GRIK2: variants seen among roughly 807,000 people sequenced by gnomAD.
GRIK2 encodes the protein glutamate ionotropic receptor kainate type subunit 2.
Under a neutral mutation model 100.3 loss-of-function variants are expected in GRIK2, and 32 were observed. That is an observed-to-expected ratio of 0.32 (90% CI 0.24 to 0.43). The LOEUF (loss-of-function observed/expected upper bound fraction) is 0.43. Ranked by LOEUF, GRIK2 falls within the 20% of genes least tolerant of loss-of-function variation. GRIK2 has a pLI of 1.00. For synonymous variants in GRIK2, 417 were observed against 389.4 expected (o/e 1.07, Z -0.83); for missense variants, 843 against 1,114.9 (o/e 0.76, Z 3.47).
intron 10 of GRIK2, among the ~76,000 whole-genome samples, chr6:101,836,922 C>G (rs563901473): frequency 1.3e-5 from 2 of 152,038 alleles, no homozygotes; most frequent in East Asian, 3.9e-4. Flanking sequence ...CCTCGGCCTC[C>G]CAAAGTGCCA....
chr6:101,413,821 C>A (rs1360485760), intron 2 of GRIK2, among the ~76,000 whole-genome samples: 1 of 151,910 alleles, frequency 6.6e-6, no homozygotes, highest in Admixed American at 6.6e-5. Flanking sequence ...GATATATACA[C>A]AACTATTATA....
chr6:101,739,230 C>T (rs9404136), intron 7 of GRIK2, among the ~76,000 whole-genome samples: 1 of 151,974 alleles, frequency 6.6e-6, no homozygotes, highest in South Asian at 2.1e-4. Context: ...TGATTTTACT[C>T]TCTTGTTTCT....
chr6:101,760,612 A>ATG lies in GRIK2; in HGVS notation c.952-39035_952-39034insGT, dbSNP rs1300412393. On this transcript the variant is annotated intron_variant, in intron 7 of 16. Coordinates refer to ENST00000369134, the MANE Select transcript of GRIK2 (RefSeq NM_021956.5). Reference sequence around the variant, plus strand: ...ATTATATATAATTATATATAATTATATTTAATTATATGTTTAATTATATAT... The same window carrying ATG: ...ATTATATATAATTATATATAATTATATGTTTAATTATATGTTTAATTATATAT... Among the ~76,000 whole-genome samples the ATG allele has an allele frequency of 1.0e-4, 10 of 98,868 alleles. 1 individual carries two copies. Among genetic ancestry groups the ATG allele is most frequent in the African/African-American group, 2.7e-4 (7 of 26,040 alleles). The allele number at this position is 98,868 out of a possible 152,430, so 64.9% of individuals were successfully genotyped here.
Position 101,676,468 on chromosome 6 carries a change from T to C in GRIK2, c.542-155T>C, listed in dbSNP as rs139366318. ...ATGCGTTCTTGGCCGTATCAAACTA[T>C]CTCATGTAGTTTATAATATACAAAC... On this transcript the variant is annotated intron_variant, in intron 4 of 16. Transcript: ENST00000369134. Among the ~76,000 whole-genome samples the C allele has an allele frequency of 4.7e-3, 711 of 152,226 alleles. 5 individuals are homozygous for C. The highest frequency in any genetic ancestry group is 0.016 in the African/African-American group (683 of 41,566).
intron 10 of GRIK2, among the ~76,000 whole-genome samples, chr6:101,850,082 A>G (rs1027155354): frequency 1.1e-4 from 16 of 152,040 alleles, no homozygotes; most frequent in African/African-American, 3.9e-4. Flanking sequence ...ACAATGCTCT[A>G]AAACAAGACA....
At chr6:101,685,294 A>G (rs1771595257) in intron 6 of GRIK2, among the ~76,000 whole-genome samples, 1 of 152,176 alleles carries the variant, frequency 6.6e-6, no homozygotes, top group African/African-American at 2.4e-5. Context: ...AGCTCAGGCC[A>G]ATGCCAGCTG....
chr6:101,855,464 G>A (rs1784375468), intron 10 of GRIK2, among the ~76,000 whole-genome samples: 1 of 152,152 alleles, frequency 6.6e-6, no homozygotes, highest in Non-Finnish European at 1.5e-5. Flanking sequence ...GGTGAATCTT[G>A]AGCATAGGGT....
At chr6:101,542,122 G>A (rs1776026428) in intron 2 of GRIK2, among the ~76,000 whole-genome samples, 2 of 151,780 alleles carry the variant, frequency 1.3e-5, no homozygotes, top group African/African-American at 4.8e-5. Context: ...GTGTTTCTAG[G>A]GAAACTGTAA....
chr6:101,548,248 A>T (rs2128291368), intron 2 of GRIK2, among the ~76,000 whole-genome samples: 1 of 152,212 alleles, frequency 6.6e-6, no homozygotes, highest in Non-Finnish European at 1.5e-5. Flanking sequence ...AGATTGCAAA[A>T]ATTGTCTCCC....
chr6:101,954,471 T>C (rs1184842038), intron 14 of GRIK2, among the ~76,000 whole-genome samples: 1 of 152,110 alleles, frequency 6.6e-6, no homozygotes, highest in African/African-American at 2.4e-5. Context: ...TTCAATACTA[T>C]TATAAATATA....
At chr6:101,516,058 T>C (rs1774567444) in intron 2 of GRIK2, among the ~76,000 whole-genome samples, 1 of 152,018 alleles carries the variant, frequency 6.6e-6, no homozygotes, top group African/African-American at 2.4e-5. Context: ...AAGTCTTAGG[T>C]TTAAGTCCTT....
At chr6:101,484,538 TAC>T (rs138774364) in intron 2 of GRIK2, among the ~76,000 whole-genome samples, 5,301 of 147,940 alleles carry the variant, frequency 0.036, 196 homozygotes, top group African/African-American at 0.093. Flanking sequence ...TATATGTAAC[TAC>T]ACACACACAC....
At chr6:102,055,227 T>A in intron 15 of GRIK2, 103 bp from the exon 16 acceptor site, 1 of 799,390 alleles carries the variant, frequency 1.3e-6, no homozygotes, top group Admixed American at 2.7e-5. Context: ...TTGGCACACT[T>A]TGAAGCATTT....
At chr6:101,401,446 A>G in intron 2 of GRIK2, among the ~76,000 whole-genome samples, 1 of 152,158 alleles carries the variant, frequency 6.6e-6, no homozygotes, top group East Asian at 1.9e-4. Context: ...ATGCTTACTA[A>G]AAATGTCTTT....
intron 14 of GRIK2, among the ~76,000 whole-genome samples, chr6:101,991,171 C>T (rs185845076): frequency 6.6e-6 from 1 of 151,776 alleles, no homozygotes; most frequent in Non-Finnish European, 1.5e-5. Context: ...GAGTCTCAAT[C>T]ACACAATGAT....
chr6:101,632,284 T>C (rs755563151), intron 4 of GRIK2, among the ~76,000 whole-genome samples: 1 of 152,068 alleles, frequency 6.6e-6, no homozygotes, highest in African/African-American at 2.4e-5. Flanking sequence ...CTGAATGGCT[T>C]TTCTTGGGTG....
intron 2 of GRIK2, among the ~76,000 whole-genome samples, chr6:101,428,575 A>T (rs1769190028): frequency 1.3e-5 from 2 of 152,246 alleles, no homozygotes; most frequent in South Asian, 4.1e-4. Flanking sequence ...ATATTGAAAT[A>T]AAAAATGGTT....
chr6:101,745,375 C>G (rs1354153919), intron 7 of GRIK2, among the ~76,000 whole-genome samples: 1 of 152,008 alleles, frequency 6.6e-6, no homozygotes, highest in Non-Finnish European at 1.5e-5. Flanking sequence ...TGATCAGACC[C>G]TCATAGAAAA....
At chr6:101,467,887 A>ATTTT (rs71028070) in intron 2 of GRIK2, among the ~76,000 whole-genome samples, 2 of 141,872 alleles carry the variant, frequency 1.4e-5, no homozygotes, top group African/African-American at 5.2e-5. Flanking sequence ...GTCCTTCCTT[A>ATTTT]TTTTTTTTTT....
Sources: gnomAD v4.1 joint callset for allele counts (sites outside exome capture counted in the v4.1 genomes callset) on GRCh38, gnomAD v4.1.1 for gene constraint, MANE v1.5 for transcripts, NCBI Gene and HGNC (gene_info 2026-07-23, HGNC 2026-07-21) for gene names.